Variants in ZDHHC16 observed in about 807,000 individuals in gnomAD.
ZDHHC16 encodes palmitoyltransferase ZDHHC16.
A neutral mutation model predicts 54.4 loss-of-function variants in ZDHHC16; 33 were observed. The observed-to-expected ratio is 0.61, with a 90% CI of 0.46 to 0.81. ZDHHC16 has a LOEUF of 0.81. Among genes scored for constraint, ZDHHC16 ranks in the 30% least tolerant of loss-of-function variants. ZDHHC16 has a pLI of 0.00. For missense variants in ZDHHC16, 420 were observed against 485.9 expected (o/e 0.86, Z 1.28); for synonymous variants, 185 against 182.1 (o/e 1.02, Z -0.13).
chr10:97,455,558 T>C (rs1847092204), intron 9 of ZDHHC16, 102 bp from the exon 10 acceptor site: 1 of 1,587,706 alleles, frequency 6.3e-7, no homozygotes, highest in Non-Finnish European at 8.6e-7. Flanking sequence ...AAGACTTAGG[T>C]AGAGAGGTTC....
At position 97,457,134 on chromosome 10, in the gene ZDHHC16, G is replaced by A. The variant is rs2029884529; in HGVS notation, c.*243G>A. The A allele has an allele frequency of 3.5e-6, 1 of 282,610 alleles. No homozygotes were observed. Among genetic ancestry groups the A allele is most frequent in the South Asian group, 7.9e-5 (1 of 12,600 alleles). The allele number at this position is 282,610 out of a possible 1,614,324, so 17.5% of individuals were successfully genotyped here. On this transcript the variant is annotated 3_prime_UTR_variant, in exon 12 of 12. Transcript: ENST00000393760. Reference sequence around the variant, plus strand: ...AAACAGAAGTTCCAACCCCAGACTAGGGGTCAGGCAGCTAGCTACCTACCT... The same window carrying A: ...AAACAGAAGTTCCAACCCCAGACTAAGGGTCAGGCAGCTAGCTACCTACCT...
At chr10:97,450,115 C>T (rs2133201149) in intron 1 of ZDHHC16, among the ~76,000 whole-genome samples, 1 of 151,990 alleles carries the variant, frequency 6.6e-6, no homozygotes, top group African/African-American at 2.4e-5. Flanking sequence ...TCATGATCCA[C>T]CCGCCTCGGC....
In ZDHHC16 at chr10:97,452,462, C is replaced by T; in HGVS notation, c.486C>T (p.Tyr162=). The change falls in exon 5 of 12, where the codon TAC becomes TAT. Residue 162 remains tyrosine (Y), a synonymous_variant. Coordinates refer to ENST00000393760, the MANE Select transcript of ZDHHC16 (RefSeq NM_198046.3). ...TCTCCATCTGTAAGAAGTGCATTTA[C>T]CCCAAGCCAGCCCGAACACACCACT... is the stretch of plus-strand genomic sequence containing the variant. ...ATVSICKKCI[Y]PKPARTHHCS... 1 of 1,614,220 alleles carries T rather than the reference C, an allele frequency of 6.2e-7. No homozygotes were observed. Among genetic ancestry groups the T allele is most frequent in the Non-Finnish European group, 8.5e-7 (1 of 1,180,016 alleles).
In ZDHHC16 at chr10:97,452,124, C is replaced by G; in HGVS notation, c.278C>G (p.Ser93Cys). The change falls in exon 4 of 12, where the codon TCC becomes TGC. Residue 93 changes from serine (S) to cysteine (C), a missense_variant. Ser to Cys is a moderately radical substitution (Grantham distance 112). Coordinates refer to ENST00000393760, the MANE Select transcript of ZDHHC16 (RefSeq NM_198046.3). ...FVVLVIVLTG[S>C]IVAIAYLCVL... ...GTCCTGGTGATCGTGCTGACAGGCT[C>G]CATTGTAGCTATCGCCTACCTGTGT... 1.2e-6 allele frequency: 2 copies of G among 1,613,990 alleles called. No homozygotes were observed. The highest frequency in any genetic ancestry group is 3.3e-5 in the Admixed American group (2 of 60,022).
In ZDHHC16 at chr10:97,455,788, G is replaced by T; in HGVS notation, c.948+5G>T. On this transcript the variant is annotated splice_donor_5th_base_variant and intron_variant, in intron 10 of 11. Coordinates refer to ENST00000393760, the MANE Select transcript of ZDHHC16 (RefSeq NM_198046.3). ...CGGCTACAGGCCAAGGGCAGAGTGAGTAGGGTTGAAGGCTCGGGGTGGGTA... is the reference window on the plus strand; with the variant it reads ...CGGCTACAGGCCAAGGGCAGAGTGATTAGGGTTGAAGGCTCGGGGTGGGTA... 1 of 1,613,412 alleles carries T rather than the reference G, an allele frequency of 6.2e-7. No individual in the cohort carries two copies. Among genetic ancestry groups the T allele is most frequent in the Admixed American group, 1.7e-5 (1 of 60,020 alleles).
chr10:97,449,306 G>T (rs1389080581), intron 1 of ZDHHC16, among the ~76,000 whole-genome samples: 3 of 151,030 alleles, frequency 2.0e-5, no homozygotes, highest in Non-Finnish European at 2.9e-5. Flanking sequence ...CATTGGATTT[G>T]CATGCCATTG....
intron 1 of ZDHHC16, among the ~76,000 whole-genome samples, chr10:97,446,560 G>A (rs1366496227): frequency 6.6e-6 from 1 of 152,240 alleles, no homozygotes; most frequent in Non-Finnish European, 1.5e-5. Context: ...CAACTCGTCT[G>A]TTTCACAGAT....
rs1564802534 is a variant in ZDHHC16 at position 97,451,936 on chromosome 10, A to T, written c.243+18A>T. ...TTGGAGTGGTGAGTGATGTCCAGGG[A>T]GCAGGAAAAGGGGTGTTGTGGGGAG... On this transcript the variant is annotated intron_variant, in intron 3 of 11. Coordinates refer to ENST00000393760, the MANE Select transcript of ZDHHC16 (RefSeq NM_198046.3). The T allele has an allele frequency of 6.2e-7, 1 of 1,600,588 alleles. No individual in the cohort carries two copies. The highest frequency in any genetic ancestry group is 2.2e-5 in the East Asian group (1 of 44,698).
At chr10:97,448,257 G>A (rs1846288243) in intron 1 of ZDHHC16, 1 of 152,258 alleles carries the variant, frequency 6.6e-6, no homozygotes, top group Non-Finnish European at 1.5e-5. Flanking sequence ...GCTGGTATTT[G>A]TAGGACAGAT....
In ZDHHC16 at chr10:97,452,176, C is replaced by T. The variant is rs1846702894; in HGVS notation, c.330C>T (p.Tyr110=). The T allele has an allele frequency of 1.2e-6, 2 of 1,614,030 alleles. No homozygotes were observed. The highest frequency in any genetic ancestry group is 1.7e-5 in the Admixed American group (1 of 60,002). The change falls in exon 4 of 12, where the codon TAC becomes TAT. Residue 110 remains tyrosine (Y), a synonymous_variant. Coordinates refer to ENST00000393760, the MANE Select transcript of ZDHHC16 (RefSeq NM_198046.3). The stretch of plus-strand genomic sequence containing the variant: ...TCCTGCCTCTCATCCTCCGAACCTA[C>T]TCAGTGCCACGACTCTGCTGGCATT... The part of the protein sequence containing the change: ...LCVLPLILRT[Y]SVPRLCWHFF...
intron 3 of ZDHHC16, 57 bp downstream of exon 3, chr10:97,451,975 C>G: frequency 2.5e-6 from 4 of 1,590,582 alleles, no homozygotes; most frequent in Admixed American, 3.4e-5. Flanking sequence ...AGGGACATGT[C>G]TCTCACAGAC....
chr10:97,453,531 C>T lies in ZDHHC16; in HGVS notation c.558C>T (p.Pro186=), dbSNP rs1846853227. The change falls in exon 7 of 12, where the codon CCC becomes CCT. Residue 186 remains proline, a splice_region_variant and synonymous_variant. Coordinates refer to ENST00000393760, the MANE Select transcript of ZDHHC16 (RefSeq NM_198046.3). ...RCVLKMDHHC[P]WLNNCVGHYN... ...AGTCCTTAATCATTTCCCAACCAGCCTGGCTAAACAATTGTGTGGGCCACT... is the reference window on the plus strand; with the variant it reads ...AGTCCTTAATCATTTCCCAACCAGCTTGGCTAAACAATTGTGTGGGCCACT... 3.7e-6 allele frequency: 6 copies of T among 1,614,014 alleles called. No individual in the cohort carries two copies. Among genetic ancestry groups the T allele is most frequent in the Non-Finnish European group, 5.1e-6 (6 of 1,179,976 alleles).
At chr10:97,455,867 T>G (rs1847127179) in intron 10 of ZDHHC16, 84 bp downstream of exon 10, 4 of 1,601,848 alleles carry the variant, frequency 2.5e-6, no homozygotes, top group Non-Finnish European at 3.4e-6. Context: ...CAGGGCTGAC[T>G]AGGGCAAGCA....
chr10:97,456,971 C>G lies in ZDHHC16; in HGVS notation c.*80C>G, dbSNP rs1847334484. On this transcript the variant is annotated 3_prime_UTR_variant, in exon 12 of 12. Coordinates refer to ENST00000393760, the MANE Select transcript of ZDHHC16 (RefSeq NM_198046.3). The stretch of plus-strand genomic sequence containing the variant: ...AAGGGCCTCCAAGGGCAGCTTTTCT[C>G]AGAATCCTTGATCAAAAAGAGCCAG... 2.5e-6 allele frequency: 3 copies of G among 1,196,734 alleles called. No homozygotes were observed. The highest frequency in any genetic ancestry group is 2.3e-6 in the Non-Finnish European group (2 of 872,816). The allele number at this position is 1,196,734 out of a possible 1,614,324, so 74.1% of individuals were successfully genotyped here.
intron 1 of ZDHHC16, among the ~76,000 whole-genome samples, chr10:97,446,919 A>G (rs555660896): frequency 2.6e-5 from 4 of 152,262 alleles, no homozygotes; most frequent in Admixed American, 2.0e-4. Flanking sequence ...GGGTTTCACC[A>G]TGTTAGCCAG....
chr10:97,446,389 A>G (rs1376381928), intron 1 of ZDHHC16, 36 bp downstream of exon 1: 1 of 315,980 alleles, frequency 3.2e-6, no homozygotes. Flanking sequence ...TCCCCATCCT[A>G]GTCCCTTTTT....
chr10:97,456,068 T>C (rs1027542475), intron 11 of ZDHHC16, 24 bp downstream of exon 11: 1 of 1,611,906 alleles, frequency 6.2e-7, no homozygotes, highest in Non-Finnish European at 8.5e-7. Context: ...CACAGACTAA[T>C]GCTGTCCAAC....
At position 97,453,543 on chromosome 10, in the gene ZDHHC16, T is replaced by C. The variant is rs1846855306; in HGVS notation, c.570T>C (p.Asn190=). 8.7e-6 allele frequency: 14 copies of C among 1,614,138 alleles called. No individual in the cohort carries two copies. The highest frequency in any genetic ancestry group is 1.7e-4 in the Middle Eastern group (1 of 6,060). ...KMDHHCPWLN[N]CVGHYNHRYF... ...TTTCCCAACCAGCCTGGCTAAACAATTGTGTGGGCCACTATAACCATCGGT... is the reference window on the plus strand; with the variant it reads ...TTTCCCAACCAGCCTGGCTAAACAACTGTGTGGGCCACTATAACCATCGGT... The change falls in exon 7 of 12, where the codon AAT becomes AAC. Residue 190 remains asparagine, a synonymous_variant. Coordinates refer to ENST00000393760, the MANE Select transcript of ZDHHC16 (RefSeq NM_198046.3).
Position 97,449,582 on chromosome 10 carries a change from G to A in ZDHHC16, c.-185-775G>A, listed in dbSNP as rs565134619. Among the ~76,000 whole-genome samples, 8 of 152,330 alleles carry A rather than the reference G, an allele frequency of 5.3e-5. No individual in the cohort carries two copies. In the South Asian group the frequency reaches 1.7e-3, roughly 32 times the overall value. Reference sequence around the variant, plus strand: ...CTCACTCTGTCTCCCAGGCTGGAGTGCACTGGCGCGATCTTGGCTCACTGC... The same window carrying A: ...CTCACTCTGTCTCCCAGGCTGGAGTACACTGGCGCGATCTTGGCTCACTGC... On this transcript the variant is annotated intron_variant, in intron 1 of 11. Transcript: ENST00000393760.
Sources: gnomAD v4.1 joint callset for allele counts (sites outside exome capture counted in the v4.1 genomes callset) on GRCh38, gnomAD v4.1.1 for gene constraint, MANE v1.5 for transcripts, NCBI Gene and HGNC (gene_info 2026-07-23, HGNC 2026-07-21) for gene names.